ANKRD28: variants seen among roughly 807,000 people sequenced by gnomAD.
ANKRD28 encodes serine/threonine-protein phosphatase 6 regulatory ankyrin repeat subunit A.
ANKRD28 carries 44 observed loss-of-function variants against 126.5 expected under a neutral mutation model. That is an observed-to-expected ratio of 0.35 (90% confidence interval 0.27 to 0.45). The LOEUF is 0.45. Ranked by LOEUF, ANKRD28 falls within the 20% of genes least tolerant of loss-of-function variation. The probability of loss-of-function intolerance (pLI) is 1.00; values close to 1 mark genes in which losing one functional copy is unlikely to be tolerated. For synonymous variants in ANKRD28, 442 were observed against 468.5 expected (o/e 0.94, Z 0.73); for missense variants, 1,110 against 1,316.6 (o/e 0.84, Z 2.43).
chr3:15,792,886 A>T (rs778749888), intron 2 of ANKRD28, among the ~76,000 whole-genome samples: 1 of 152,102 alleles, frequency 6.6e-6, no homozygotes, highest in Non-Finnish European at 1.5e-5. Flanking sequence ...AAGAAGAAAA[A>T]TCTATTAGGT....
intron 1 of ANKRD28, among the ~76,000 whole-genome samples, chr3:15,807,294 A>C (rs1300780942): frequency 6.6e-6 from 1 of 152,188 alleles, no homozygotes; most frequent in African/African-American, 2.4e-5. Context: ...TTCCCAAATG[A>C]ATCACTACTA....
chr3:15,810,027 G>A (rs2060678453), intron 1 of ANKRD28, among the ~76,000 whole-genome samples: 3 of 152,108 alleles, frequency 2.0e-5, no homozygotes, highest in Non-Finnish European at 2.9e-5. Context: ...AAATTAGACA[G>A]CAGCGAGATC....
At chr3:15,780,718 C>T (rs2059500747) in intron 2 of ANKRD28, among the ~76,000 whole-genome samples, 1 of 152,088 alleles carries the variant, frequency 6.6e-6, no homozygotes, top group African/African-American at 2.4e-5. Flanking sequence ...GGCATAAAAA[C>T]AGACACAGTG....
chr3:15,808,384 C>A (rs2060634629), intron 1 of ANKRD28, among the ~76,000 whole-genome samples: 1 of 152,136 alleles, frequency 6.6e-6, no homozygotes, highest in Non-Finnish European at 1.5e-5. Context: ...TGGAGAAAGG[C>A]CTTATCCCCT....
chr3:15,773,182 GC>G (rs2059100815), intron 2 of ANKRD28, among the ~76,000 whole-genome samples: 1 of 151,148 alleles, frequency 6.6e-6, no homozygotes, highest in South Asian at 2.1e-4. Flanking sequence ...GTTGTTGAAT[GC>G]AAGGTCAATA....
intron 1 of ANKRD28, among the ~76,000 whole-genome samples, chr3:15,844,505 CAAG>C (rs1447842223): frequency 6.6e-6 from 1 of 150,982 alleles, no homozygotes; most frequent in East Asian, 1.9e-4. Flanking sequence ...GGTAACAGAA[CAAG>C]AAGGTGAGCA....
chr3:15,803,521 G>A (rs983251294), intron 1 of ANKRD28, among the ~76,000 whole-genome samples: 4 of 151,766 alleles, frequency 2.6e-5, no homozygotes, highest in Admixed American at 2.6e-4. Context: ...AGAGGCTGAG[G>A]CAGGAGAATC....
In ANKRD28 at chr3:15,685,434, G is replaced by A; in HGVS notation, c.2181C>T (p.Gly727=). ...GTAATGCATCTACACATTCTTCATG[G>A]CCTGTAACTGCCTGAAAGAAAATAA... The part of the protein sequence containing the change: ...RTALHRGAVT[G]HEECVDALLQ... Residue 727 remains glycine, a synonymous_variant, in exon 21 of 28, where the codon GGC becomes GGT. Transcript: ENST00000683139. 1 of 1,613,888 alleles carries A rather than the reference G, an allele frequency of 6.2e-7. No individual in the cohort carries two copies. Among genetic ancestry groups the A allele is most frequent in the Non-Finnish European group, 8.5e-7 (1 of 1,179,800 alleles).
chr3:15,780,265 C>T (rs1474682434), intron 2 of ANKRD28, among the ~76,000 whole-genome samples: 2 of 151,952 alleles, frequency 1.3e-5, no homozygotes, highest in African/African-American at 2.4e-5. Context: ...TTTCTGTATA[C>T]TAACAACAAA....
intron 3 of ANKRD28, among the ~76,000 whole-genome samples, chr3:15,753,707 C>T (rs747341435): frequency 2.7e-5 from 4 of 148,336 alleles, no homozygotes; most frequent in Non-Finnish European, 5.9e-5. Flanking sequence ...TTTTGGGAGG[C>T]TGAGGTGGGC....
intron 1 of ANKRD28, among the ~76,000 whole-genome samples, chr3:15,842,043 TATAAC>T (rs1270947111): frequency 4.0e-5 from 6 of 148,564 alleles, no homozygotes; most frequent in African/African-American, 2.5e-5. Context: ...AATTTTTATA[TATAAC>T]ATAATTTATA....
chr3:15,670,458 A>G lies in ANKRD28; in HGVS notation c.3064T>C (p.Leu1022=), dbSNP rs2066227210. The change falls in exon 28 of 28, where the codon TTA becomes CTA. Residue 1022 remains leucine, a synonymous_variant. Coordinates refer to ENST00000683139, the MANE Select transcript of ANKRD28 (RefSeq NM_001349278.2). ...ATGGCATTGAATGTTAAGGATGATA[A>G]AGGACTACTTGATGAGACAGGCATC... is the stretch of plus-strand genomic sequence containing the variant. ...TMMPVSSSSP[L]SSLTFNAINR... The G allele has an allele frequency of 6.2e-7, 1 of 1,613,970 alleles. No individual in the cohort carries two copies. The highest frequency in any genetic ancestry group is 8.5e-7 in the Non-Finnish European group (1 of 1,179,878).
Position 15,687,860 on chromosome 3 carries a change from G to A in ANKRD28, c.1964-1551C>T, listed in dbSNP as rs374167118. ...CACTCAGTTCACAGTCGCTACTGAT[G>A]AATGTTTGTGTCATCTAAGTTCAAT... On this transcript the variant is annotated intron_variant, in intron 18 of 27. Transcript: ENST00000683139. Among the ~76,000 whole-genome samples the A allele has an allele frequency of 5.9e-5, 9 of 152,256 alleles. No individual in the cohort carries two copies. The East Asian group carries it at 1.4e-3, about 23-fold the overall frequency.
rs139695833 is a variant in ANKRD28 at position 15,731,137 on chromosome 3, G to A, written c.640+4273C>T. On this transcript the variant is annotated intron_variant, in intron 6 of 27. Transcript: ENST00000683139. ...AGACTAAAACTTGTGGTGAGGTCCA[G>A]GAAACACAGAATATCTTTTTCAACC... Among the ~76,000 whole-genome samples, 295 of 152,292 alleles carry A rather than the reference G, an allele frequency of 1.9e-3. 2 individuals are homozygous for A. The highest frequency in any genetic ancestry group is 3.6e-3 in the Non-Finnish European group (245 of 68,026).
chr3:15,838,986 A>G lies in ANKRD28; in HGVS notation c.27+20391T>C, dbSNP rs1482447511. On this transcript the variant is annotated intron_variant, in intron 1 of 27. Transcript: ENST00000399451. The surrounding 1 kb of genome is among the most constrained non-coding windows in gnomAD (Gnocchi z 4.0). ...AATGAACCTCAACAACATTTATACC[A>G]AATTTTTAAAAGCCAGACAAAAAAT... is the stretch of plus-strand genomic sequence containing the variant. Among the ~76,000 whole-genome samples the G allele has an allele frequency of 6.6e-6, 1 of 152,180 alleles. No homozygotes were observed. The highest frequency in any genetic ancestry group is 1.5e-5 in the Non-Finnish European group (1 of 68,034).
At position 15,694,831 on chromosome 3, in the gene ANKRD28, T is replaced by C. The variant is rs1014203613; in HGVS notation, c.1687-18A>G. On this transcript the variant is annotated intron_variant, in intron 16 of 27. Coordinates refer to ENST00000683139, the MANE Select transcript of ANKRD28 (RefSeq NM_001349278.2). Reference sequence around the variant, plus strand: ...TCCATTAACTGAAAAAGAAGAGGCATTTTAAATGTCAGAAAGACATACTAC... The same window carrying C: ...TCCATTAACTGAAAAAGAAGAGGCACTTTAAATGTCAGAAAGACATACTAC... 6.2e-7 allele frequency: 1 copy of C among 1,609,982 alleles called. No individual in the cohort carries two copies.
At chr3:15,795,886 T>C (rs1033089088) in intron 1 of ANKRD28, among the ~76,000 whole-genome samples, 15 of 152,130 alleles carry the variant, frequency 9.9e-5, no homozygotes, top group African/African-American at 3.6e-4. Context: ...AATTTCTTAA[T>C]CAACGATACA....
At chr3:15,689,357 C>G (rs1305374195) in intron 18 of ANKRD28, among the ~76,000 whole-genome samples, 1 of 152,172 alleles carries the variant, frequency 6.6e-6, no homozygotes, top group Non-Finnish European at 1.5e-5. Flanking sequence ...CAAAGAGTAA[C>G]CAGTAGGTGT....
chr3:15,762,629 C>G, intron 3 of ANKRD28, among the ~76,000 whole-genome samples: 1 of 151,922 alleles, frequency 6.6e-6, no homozygotes, highest in African/African-American at 2.4e-5. Flanking sequence ...AACGTAATAA[C>G]TGGACTTCAA....
Sources: gnomAD v4.1 joint callset for allele counts (sites outside exome capture counted in the v4.1 genomes callset) on GRCh38, gnomAD v4.1.1 for gene constraint, Gnocchi (gnomAD v3.1) non-coding constraint, MANE v1.5 for transcripts, NCBI Gene and HGNC (gene_info 2026-07-23, HGNC 2026-07-21) for gene names.